The following KCNN3 variants were observed in gnomAD, a reference collection of about 807,000 sequenced individuals.
KCNN3 encodes potassium calcium-activated channel subfamily N member 3.
Under a neutral mutation model 62.9 loss-of-function variants are expected in KCNN3, and 16 were observed. The ratio of observed to expected loss-of-function variants is 0.25; its 90% confidence interval spans 0.17 to 0.39. The LOEUF is 0.39. Among genes scored for constraint, KCNN3 ranks in the 10% least tolerant of loss-of-function variants. The pLI is 1.00. For synonymous variants in KCNN3, 370 were observed against 389.2 expected (o/e 0.95, Z 0.58); for missense variants, 599 against 949.4 (o/e 0.63, Z 4.85).
At chr1:154,814,869 C>T (rs1371003275) in intron 2 of KCNN3, among the ~76,000 whole-genome samples, 1 of 152,258 alleles carries the variant, frequency 6.6e-6, no homozygotes, top group Non-Finnish European at 1.5e-5. Flanking sequence ...CAAAGAAGAG[C>T]AGCGCTCCAG....
intron 2 of KCNN3, among the ~76,000 whole-genome samples, chr1:154,789,338 C>T (rs1320586304): frequency 6.6e-6 from 1 of 152,150 alleles, no homozygotes; most frequent in African/African-American, 2.4e-5. Flanking sequence ...TCTCAAGATC[C>T]TTCATTTAAC....
intron 2 of KCNN3, among the ~76,000 whole-genome samples, chr1:154,776,354 C>G (rs1648790511): frequency 6.6e-6 from 1 of 151,978 alleles, no homozygotes; most frequent in African/African-American, 2.4e-5. Context: ...TTACTCACTG[C>G]TCTAAAAATG....
chr1:154,790,075 A>AT (rs1649445224), intron 2 of KCNN3, among the ~76,000 whole-genome samples: 1 of 152,064 alleles, frequency 6.6e-6, no homozygotes, highest in Non-Finnish European at 1.5e-5. Flanking sequence ...TGCCCAGCTA[A>AT]TTTTTTGCAT....
rs111303174 is a variant in KCNN3 at position 154,705,503 on chromosome 1, C to A, written c.*2473G>T. 0.018 allele frequency: 2,769 copies of A among 152,286 alleles called. 34 individuals are homozygous for A. Among genetic ancestry groups the A allele is most frequent in the Non-Finnish European group, 0.03 (2,070 of 68,024 alleles). The allele number at this position is 152,286 out of a possible 1,614,324, so 9.4% of individuals were successfully genotyped here. A position where few individuals can be genotyped will look rare whatever the true frequency, so the allele number is the denominator to read the frequency against. ...TGTGTTTCTAGGATGCCAGTGGCTA[C>A]TGCTACCAGAAATAACTCCAGTCAC... is the stretch of plus-strand genomic sequence containing the variant. On this transcript the variant is annotated 3_prime_UTR_variant, in exon 8 of 8. Transcript: ENST00000271915.
intron 3 of KCNN3, among the ~76,000 whole-genome samples, chr1:154,744,179 G>A (rs1700886295): frequency 6.6e-6 from 1 of 151,910 alleles, no homozygotes; most frequent in African/African-American, 2.4e-5. Flanking sequence ...GACTTTTTCT[G>A]TTTTCTTTAC....
rs967498402 is a variant in KCNN3, at chr1:154,701,299, C to T, written c.*6677G>A. On this transcript the variant is annotated 3_prime_UTR_variant, in exon 8 of 8. Coordinates refer to ENST00000271915, the MANE Select transcript of KCNN3 (RefSeq NM_002249.6). ...CTTGGGAAGGGAAGAGACACATAGG[C>T]TCAGTTAATCTGCCCCGATGCAACC... 2 of 152,176 alleles carry T rather than the reference C, an allele frequency of 1.3e-5. No individual in the cohort carries two copies. Among genetic ancestry groups the T allele is most frequent in the African/African-American group, 2.4e-5 (1 of 41,438 alleles). 9.4% of individuals were successfully genotyped at this position (152,176 alleles called of 1,614,324 possible). A position where few individuals can be genotyped will look rare whatever the true frequency, so the allele number is the denominator to read the frequency against.
At chr1:154,816,332 AG>A (rs1003466524) in intron 2 of KCNN3, among the ~76,000 whole-genome samples, 24 of 152,342 alleles carry the variant, frequency 1.6e-4, no homozygotes, top group South Asian at 8.3e-4. Flanking sequence ...AATATGGCCA[AG>A]AACCACAATT....
At chr1:154,737,871 A>G (rs1473300742) in intron 3 of KCNN3, among the ~76,000 whole-genome samples, 4 of 152,194 alleles carry the variant, frequency 2.6e-5, no homozygotes, top group Non-Finnish European at 5.9e-5. Flanking sequence ...GCAGTGAGCT[A>G]TGATTGTGCC....
rs1173499111 is a variant in KCNN3 at position 154,699,581 on chromosome 1, C to T, written c.*8395G>A. On this transcript the variant is annotated 3_prime_UTR_variant, in exon 8 of 8. Coordinates refer to ENST00000271915, the MANE Select transcript of KCNN3 (RefSeq NM_002249.6). The stretch of plus-strand genomic sequence containing the variant: ...TCTGGGTACATATCGAGTTATGGCG[C>T]CAATATCAGAATTCACGTCTTTCCT... 7.9e-5 allele frequency: 12 copies of T among 152,106 alleles called. No individual in the cohort carries two copies. Among genetic ancestry groups the T allele is most frequent in the Admixed American group, 7.2e-4 (11 of 15,258 alleles). The allele number at this position is 152,106 out of a possible 1,614,324, so 9.4% of individuals were successfully genotyped here. A position where few individuals can be genotyped will look rare whatever the true frequency, so the allele number is the denominator to read the frequency against.
chr1:154,782,051 C>T (rs1649076012), intron 2 of KCNN3, among the ~76,000 whole-genome samples: 1 of 152,056 alleles, frequency 6.6e-6, no homozygotes. Flanking sequence ...GTGCAAAAAC[C>T]CCAAGGCAGG....
chr1:154,814,304 T>C lies in KCNN3; in HGVS notation c.1029+7785A>G, dbSNP rs76494868. 3.7e-4 allele frequency among the ~76,000 whole-genome samples: 56 copies of C among 152,376 alleles called. 1 individual carries two copies. The Middle Eastern group carries it at 0.02, about 56-fold the overall frequency. Reference sequence around the variant, plus strand: ...ATTTATTCAGCCTACACTCATTGAATAGCACCTACTATGTGCTAGGCACTC... The same window carrying C: ...ATTTATTCAGCCTACACTCATTGAACAGCACCTACTATGTGCTAGGCACTC... On this transcript the variant is annotated intron_variant, in intron 2 of 7. Transcript: ENST00000271915.
chr1:154,840,165 C>T (rs1043405562), intron 1 of KCNN3, among the ~76,000 whole-genome samples: 3 of 152,140 alleles, frequency 2.0e-5, no homozygotes, highest in African/African-American at 7.2e-5. Context: ...GTACAAATTT[C>T]ACAGGTTTAC....
intron 1 of KCNN3, among the ~76,000 whole-genome samples, chr1:154,832,888 A>T (rs1213080751): frequency 1.3e-5 from 2 of 152,212 alleles, no homozygotes; most frequent in Non-Finnish European, 2.9e-5. Context: ...GATTCTCTGC[A>T]GGAGCTGTGG....
chr1:154,775,631 T>C (rs1311345974), intron 2 of KCNN3, among the ~76,000 whole-genome samples: 1 of 118,922 alleles, frequency 8.4e-6, no homozygotes, highest in Non-Finnish European at 1.6e-5. Context: ...AGCAACTGGC[T>C]GAGAGGCTCA....
At chr1:154,813,566 C>T (rs1196385554) in intron 2 of KCNN3, among the ~76,000 whole-genome samples, 1 of 152,160 alleles carries the variant, frequency 6.6e-6, no homozygotes. Context: ...TGACCCCTCC[C>T]CACCCCGTCC....
chr1:154,868,661 G>A (rs553068886), intron 1 of KCNN3, among the ~76,000 whole-genome samples: 1 of 152,080 alleles, frequency 6.6e-6, no homozygotes, highest in Non-Finnish European at 1.5e-5. Flanking sequence ...GCTTTAGTAC[G>A]AGTGAGCCAG....
intron 1 of KCNN3, among the ~76,000 whole-genome samples, chr1:154,837,961 G>A (rs986092971): frequency 6.6e-6 from 1 of 152,202 alleles, no homozygotes; most frequent in Non-Finnish European, 1.5e-5. Flanking sequence ...AGGCGCTCTC[G>A]CAGGGCTGGA....
intron 3 of KCNN3, among the ~76,000 whole-genome samples, chr1:154,736,590 G>A (rs540387370): frequency 3.3e-5 from 5 of 152,262 alleles, no homozygotes; most frequent in South Asian, 2.1e-4. Flanking sequence ...CTTGAATACC[G>A]AACCATGAAG....
intron 5 of KCNN3, among the ~76,000 whole-genome samples, chr1:154,725,520 T>C (rs971414126): frequency 2.0e-5 from 3 of 148,530 alleles, no homozygotes; most frequent in Non-Finnish European, 4.4e-5. Flanking sequence ...CCATACGACA[T>C]GACCATTTGC....
Sources: gnomAD v4.1 joint callset for allele counts (sites outside exome capture counted in the v4.1 genomes callset) on GRCh38, gnomAD v4.1.1 for gene constraint, MANE v1.5 for transcripts, NCBI Gene and HGNC (gene_info 2026-07-23, HGNC 2026-07-21) for gene names.